Variants in DTWD2 observed in about 807,000 individuals in gnomAD.
DTWD2 encodes the protein DTW motif tRNA-uridine aminocarboxypropyltransferase 2, also known as tRNA-uridine aminocarboxypropyltransferase 2.
In DTWD2, 39 loss-of-function variants were observed where a neutral mutation model predicts 31.8. That is an observed-to-expected ratio of 1.22 (90% confidence interval 0.95 to 1.60). DTWD2 has a LOEUF of 1.60. Ranked by LOEUF, DTWD2 falls within the 40% of genes most tolerant of loss-of-function variation. The pLI, the probability that DTWD2 is intolerant of heterozygous loss-of-function variation, is 0.00. For missense variants in DTWD2, 515 were observed against 381.5 expected (o/e 1.35, Z -2.92); for synonymous variants, 180 against 142.8 (o/e 1.26, Z -1.86).
intron 4 of DTWD2, among the ~76,000 whole-genome samples, chr5:118,919,543 C>T (rs1753655103): frequency 6.6e-6 from 1 of 152,178 alleles, no homozygotes; most frequent in African/African-American, 2.4e-5. Flanking sequence ...GCCAAGTGTT[C>T]TATGCTCAAA....
rs1328290075 is a variant in DTWD2 at position 118,837,973 on chromosome 5, C to T, written c.*2944G>A. ...TGGTGGTATAGTGAGGAGCTTATTT[C>T]TTCCAAAATATATGAAAAATATTAC... is the stretch of plus-strand genomic sequence containing the variant. On this transcript the variant is annotated 3_prime_UTR_variant, in exon 6 of 6. Transcript: ENST00000510708. The T allele has an allele frequency of 2.0e-5, 3 of 152,100 alleles. No homozygotes were observed. The highest frequency in any genetic ancestry group is 4.4e-5 in the Non-Finnish European group (3 of 68,010). 9.4% of individuals were successfully genotyped at this position (152,100 alleles called of 1,614,324 possible).
chr5:118,920,879 A>AT (rs1201572829), intron 4 of DTWD2, among the ~76,000 whole-genome samples: 1 of 152,202 alleles, frequency 6.6e-6, no homozygotes, highest in African/African-American at 2.4e-5. Flanking sequence ...TTCAAGTTTC[A>AT]TATCTGCCAC....
intron 4 of DTWD2, among the ~76,000 whole-genome samples, chr5:118,850,987 C>A (rs577814468): frequency 6.6e-6 from 1 of 152,152 alleles, no homozygotes; most frequent in Non-Finnish European, 1.5e-5. Context: ...TGGCTCAGGC[C>A]TGCAATCCCA....
intron 4 of DTWD2, among the ~76,000 whole-genome samples, chr5:118,886,373 T>C (rs1256312592): frequency 6.6e-6 from 1 of 152,166 alleles, no homozygotes; most frequent in African/African-American, 2.4e-5. Context: ...TATTAAAGCA[T>C]GAAATAAATC....
rs1480861063 is a variant in DTWD2, at chr5:118,840,785, T to C, written c.*132A>G. ...TTTATGAATATTTGGTTTACTTCCTTCTTCTGGGTAAGATTAGTATGCAAT... is the reference window on the plus strand; with the variant it reads ...TTTATGAATATTTGGTTTACTTCCTCCTTCTGGGTAAGATTAGTATGCAAT... On this transcript the variant is annotated 3_prime_UTR_variant, in exon 6 of 6. Coordinates refer to ENST00000510708, the MANE Select transcript of DTWD2 (RefSeq NM_173666.4). 1 of 907,152 alleles carries C rather than the reference T, an allele frequency of 1.1e-6. No individual in the cohort carries two copies. The highest frequency in any genetic ancestry group is 1.5e-6 in the Non-Finnish European group (1 of 660,698). 56.2% of individuals were successfully genotyped at this position (907,152 alleles called of 1,614,324 possible).
chr5:118,851,569 A>G (rs1752006118), intron 4 of DTWD2, among the ~76,000 whole-genome samples: 1 of 151,856 alleles, frequency 6.6e-6, no homozygotes, highest in South Asian at 2.1e-4. Flanking sequence ...GGAACTCCTG[A>G]TAAGTGTCTA....
intron 1 of DTWD2, among the ~76,000 whole-genome samples, chr5:118,977,471 T>C (rs1162720923): frequency 1.3e-5 from 2 of 152,220 alleles, no homozygotes; most frequent in African/African-American, 4.8e-5. Context: ...CTTAAGCTGA[T>C]CAGCAACTTC....
chr5:118,942,790 A>C (rs753854066), intron 2 of DTWD2, among the ~76,000 whole-genome samples: 1 of 152,116 alleles, frequency 6.6e-6, no homozygotes, highest in Non-Finnish European at 1.5e-5. Flanking sequence ...TTTGCCATCA[A>C]ATGTCAAGTG....
At chr5:118,965,111 G>C (rs1057408450) in intron 1 of DTWD2, among the ~76,000 whole-genome samples, 2 of 148,288 alleles carry the variant, frequency 1.3e-5, no homozygotes, top group African/African-American at 5.0e-5. Flanking sequence ...GGGAGGTGAG[G>C]AGCGTCTCTG....
chr5:118,872,564 CA>C (rs1187203998), intron 4 of DTWD2, among the ~76,000 whole-genome samples: 1 of 152,168 alleles, frequency 6.6e-6, no homozygotes, highest in African/African-American at 2.4e-5. Context: ...GTAGGTGGAA[CA>C]ATCAAAACAC....
At chr5:118,962,586 AATG>A (rs1173237399) in intron 1 of DTWD2, among the ~76,000 whole-genome samples, 2 of 152,226 alleles carry the variant, frequency 1.3e-5, no homozygotes, top group Non-Finnish European at 2.9e-5. Flanking sequence ...CATAAACAGT[AATG>A]ATATTTCATG....
At chr5:118,968,425 C>A (rs1216807331) in intron 1 of DTWD2, among the ~76,000 whole-genome samples, 1 of 152,146 alleles carries the variant, frequency 6.6e-6, no homozygotes, top group Non-Finnish European at 1.5e-5. Flanking sequence ...AAATTCTGAA[C>A]CTTCAACTGA....
chr5:118,923,401 G>C (rs776526275), intron 4 of DTWD2, among the ~76,000 whole-genome samples: 49 of 152,310 alleles, frequency 3.2e-4, no homozygotes, highest in Non-Finnish European at 2.1e-4. Flanking sequence ...TGCTCACTAA[G>C]AGACAAAATG....
intron 4 of DTWD2, among the ~76,000 whole-genome samples, chr5:118,863,129 TAACAC>T (rs1486017719): frequency 6.8e-4 from 103 of 152,320 alleles, no homozygotes; most frequent in African/African-American, 2.4e-3. Flanking sequence ...GCAACCTCAA[TAACAC>T]AAGTGGACAC....
intron 1 of DTWD2, among the ~76,000 whole-genome samples, chr5:118,945,271 C>T (rs1754305406): frequency 2.6e-5 from 4 of 152,108 alleles, no homozygotes; most frequent in Non-Finnish European, 5.9e-5. Context: ...TGCTTTACTA[C>T]TGTTTAGGTA....
chr5:118,913,866 A>C (rs1389669447), intron 4 of DTWD2, among the ~76,000 whole-genome samples: 9 of 152,164 alleles, frequency 5.9e-5, no homozygotes, highest in Admixed American at 3.3e-4. Flanking sequence ...TACAACTAAC[A>C]AAAACTGCCG....
At chr5:118,848,880 A>G (rs1306448193) in intron 4 of DTWD2, among the ~76,000 whole-genome samples, 1 of 152,208 alleles carries the variant, frequency 6.6e-6, no homozygotes, top group Non-Finnish European at 1.5e-5. Flanking sequence ...TTAACTCAAG[A>G]GGGATTAAAG....
At chr5:118,887,449 A>G (rs1427087840) in intron 4 of DTWD2, among the ~76,000 whole-genome samples, 2 of 152,218 alleles carry the variant, frequency 1.3e-5, no homozygotes, top group Non-Finnish European at 2.9e-5. Context: ...GTAAAGATCT[A>G]CACTATTACA....
chr5:118,925,344 T>C (rs567021413), intron 4 of DTWD2, among the ~76,000 whole-genome samples: 5 of 152,292 alleles, frequency 3.3e-5, no homozygotes, highest in East Asian at 3.9e-4. Flanking sequence ...CATCCCTAAA[T>C]AGAGAATGTA....
Sources: gnomAD v4.1 joint callset for allele counts (sites outside exome capture counted in the v4.1 genomes callset) on GRCh38, gnomAD v4.1.1 for gene constraint, MANE v1.5 for transcripts, NCBI Gene and HGNC (gene_info 2026-07-23, HGNC 2026-07-21) for gene names.